Variants in MTMR8 observed in about 807,000 individuals in gnomAD.
MTMR8 encodes myotubularin related protein 8.
Under a neutral mutation model 39.3 loss-of-function variants are expected in MTMR8, and 65 were observed. The ratio of observed to expected loss-of-function variants is 1.65; its 90% CI spans 1.35 to 2.03. The LOEUF (loss-of-function observed/expected upper bound fraction) is 2.03, where lower values mean the gene tolerates loss of function less well. Ranked by LOEUF, MTMR8 falls within the 30% of genes most tolerant of loss-of-function variation. MTMR8 has a pLI of 0.00. For missense variants in MTMR8, 777 were observed against 538.9 expected (o/e 1.44, Z -4.37); for synonymous variants, 245 against 185.2 (o/e 1.32, Z -2.62).
intron 12 of MTMR8, among the ~76,000 whole-genome samples, chrX:64,282,682 C>G (rs1569208987): frequency 9.0e-6 from 1 of 111,165 alleles, no homozygotes; most frequent in East Asian, 2.8e-4. Context: ...TCTTATATCA[C>G]AGATATAAGA....
intron 12 of MTMR8, among the ~76,000 whole-genome samples, chrX:64,296,034 A>C (rs1332598650): frequency 8.9e-6 from 1 of 112,380 alleles, no homozygotes; most frequent in African/African-American, 3.2e-5. Context: ...TTATTAGCCA[A>C]AGCTAAAAGG....
chrX:64,307,750 C>T (rs1000800536), intron 12 of MTMR8, among the ~76,000 whole-genome samples: 1 of 112,013 alleles, frequency 8.9e-6, no homozygotes, highest in African/African-American at 3.2e-5. Flanking sequence ...CTGCGATTTT[C>T]ATAGGAAATG....
intron 1 of MTMR8, among the ~76,000 whole-genome samples, chrX:64,386,320 T>C (rs947027204): frequency 3.6e-5 from 4 of 111,850 alleles, no homozygotes; most frequent in Non-Finnish European, 7.5e-5. Flanking sequence ...AAAGGGTGGC[T>C]GGAGAAGCAG....
intron 1 of MTMR8, among the ~76,000 whole-genome samples, chrX:64,371,397 A>G (rs1924128239): frequency 1.8e-5 from 2 of 111,968 alleles, no homozygotes; most frequent in South Asian, 7.4e-4. Flanking sequence ...AATTTGAAAA[A>G]CATCAAATAC....
intron 12 of MTMR8, 147 bp downstream of exon 12, chrX:64,328,624 GA>G (rs1328414181): frequency 2.1e-6 from 1 of 476,202 alleles, no homozygotes; most frequent in East Asian, 4.7e-5. Context: ...CTTGTTTTCA[GA>G]AGCAGCAATG....
intron 1 of MTMR8, among the ~76,000 whole-genome samples, chrX:64,374,084 G>A (rs1045068168): frequency 3.6e-5 from 4 of 111,607 alleles, no homozygotes; most frequent in Admixed American, 1.9e-4. Context: ...CATCCCATGG[G>A]AAATAAAAGT....
intron 12 of MTMR8, among the ~76,000 whole-genome samples, chrX:64,309,688 G>A (rs1167954309): frequency 1.8e-5 from 2 of 111,618 alleles, no homozygotes; most frequent in Non-Finnish European, 3.8e-5. Flanking sequence ...AGATAATGTA[G>A]GTTCAGTTCC....
At chrX:64,311,422 A>C (rs1287788913) in intron 12 of MTMR8, among the ~76,000 whole-genome samples, 1 of 110,935 alleles carries the variant, frequency 9.0e-6, no homozygotes, top group Non-Finnish European at 1.9e-5. Context: ...AGATTGCAAA[A>C]ATTTTCTCCC....
intron 1 of MTMR8, among the ~76,000 whole-genome samples, chrX:64,366,272 G>A (rs991112144): frequency 1.8e-5 from 2 of 111,755 alleles, no homozygotes; most frequent in Non-Finnish European, 3.8e-5. Flanking sequence ...GACATCTACA[G>A]CACTATCCAC....
intron 12 of MTMR8, among the ~76,000 whole-genome samples, chrX:64,278,027 G>T (rs962695291): frequency 9.2e-6 from 1 of 108,236 alleles, no homozygotes; most frequent in African/African-American, 3.4e-5. Context: ...TTTGGCTATT[G>T]ATACTTGTGT....
intron 1 of MTMR8, among the ~76,000 whole-genome samples, chrX:64,394,968 TG>T (rs899379346): frequency 1.8e-5 from 2 of 112,039 alleles, no homozygotes; most frequent in Non-Finnish European, 3.8e-5. Flanking sequence ...CAGAGCAATG[TG>T]GGGTATTCGC....
intron 4 of MTMR8, among the ~76,000 whole-genome samples, chrX:64,351,059 C>A (rs1316101272): frequency 9.0e-6 from 1 of 111,533 alleles, no homozygotes; most frequent in Non-Finnish European, 1.9e-5. Flanking sequence ...TCTACCCACC[C>A]CCTTACCTGG....
intron 4 of MTMR8, among the ~76,000 whole-genome samples, chrX:64,353,742 G>A (rs997336615): frequency 5.4e-5 from 6 of 110,658 alleles, no homozygotes; most frequent in Admixed American, 3.9e-4. Context: ...GAGCCCAGGA[G>A]TTCAAGAATC....
chrX:64,285,880 T>A, intron 12 of MTMR8, among the ~76,000 whole-genome samples: 1 of 109,948 alleles, frequency 9.1e-6, no homozygotes, highest in Non-Finnish European at 1.9e-5. Flanking sequence ...GCAGGAAAGA[T>A]CTAAAATTGA....
chrX:64,384,473 AG>A (rs1924509347), intron 1 of MTMR8, among the ~76,000 whole-genome samples: 1 of 111,621 alleles, frequency 9.0e-6, no homozygotes, highest in South Asian at 3.8e-4. Flanking sequence ...GTTCTCTGTG[AG>A]GGCTCTGCCC....
intron 1 of MTMR8, chrX:64,360,360 T>A: frequency 3.4e-6 from 1 of 295,157 alleles, no homozygotes; most frequent in Non-Finnish European, 6.4e-6. Flanking sequence ...ATTTTAATAC[T>A]CTTCTTAGGA....
intron 1 of MTMR8, among the ~76,000 whole-genome samples, chrX:64,387,463 G>A (rs752110522): frequency 5.7e-4 from 63 of 110,994 alleles, no homozygotes; most frequent in African/African-American, 2.0e-3. Context: ...TATCCAGGCT[G>A]AACTTCCTCT....
intron 1 of MTMR8, among the ~76,000 whole-genome samples, chrX:64,376,972 AC>A: frequency 1.8e-5 from 2 of 111,392 alleles, no homozygotes; most frequent in East Asian, 5.7e-4. Context: ...GGCTAAAAGA[AC>A]CCCAGATACG....
intron 12 of MTMR8, chrX:64,306,822 C>G (rs1037778933): frequency 4.5e-5 from 5 of 111,454 alleles, no homozygotes; most frequent in African/African-American, 1.6e-4. Flanking sequence ...CTCCCAGGAA[C>G]CAGGCTGCCT....
Sources: gnomAD v4.1 joint callset for allele counts (sites outside exome capture counted in the v4.1 genomes callset) on GRCh38, gnomAD v4.1.1 for gene constraint, MANE v1.5 for transcripts, NCBI Gene and HGNC (gene_info 2026-07-23, HGNC 2026-07-21) for gene names.